Variants in NCKAP5 observed in about 807,000 individuals in gnomAD.
NCKAP5 encodes nck-associated protein 5.
In NCKAP5, 92 loss-of-function variants were observed where a neutral mutation model predicts 167.0. The observed-to-expected ratio is 0.55, with a 90% CI of 0.47 to 0.66. The LOEUF (loss-of-function observed/expected upper bound fraction) is 0.66, where lower values mean the gene tolerates loss of function less well. Among genes scored for constraint, NCKAP5 ranks in the 30% least tolerant of loss-of-function variants. The pLI, the probability that NCKAP5 is intolerant of heterozygous loss-of-function variation, is 0.00. For missense variants in NCKAP5, 2,378 were observed against 2,315.0 expected (o/e 1.03, Z -0.56); for synonymous variants, 891 against 877.4 (o/e 1.02, Z -0.27).
intron 3 of NCKAP5, among the ~76,000 whole-genome samples, chr2:133,423,426 T>C: frequency 6.6e-6 from 1 of 152,244 alleles, no homozygotes; most frequent in South Asian, 2.1e-4. Context: ...GAAGTGAAGC[T>C]GCACCTCAGT....
At chr2:132,837,253 C>T (rs1687957014) in intron 11 of NCKAP5, among the ~76,000 whole-genome samples, 1 of 152,168 alleles carries the variant, frequency 6.6e-6, no homozygotes, top group African/African-American at 2.4e-5. Context: ...TCCTCAGGGG[C>T]TCACAGGCTT....
intron 6 of NCKAP5, among the ~76,000 whole-genome samples, chr2:133,054,552 T>G (rs1317829145): frequency 6.6e-6 from 1 of 152,126 alleles, no homozygotes; most frequent in East Asian, 1.9e-4. Flanking sequence ...TTTTAAAGAA[T>G]GTCAAGCTGG....
chr2:133,400,545 G>T (rs1559453728), intron 3 of NCKAP5, among the ~76,000 whole-genome samples: 1 of 152,230 alleles, frequency 6.6e-6, no homozygotes, highest in African/African-American at 2.4e-5. Context: ...GAGTTAGACA[G>T]CCTCAAGTCA....
intron 8 of NCKAP5, among the ~76,000 whole-genome samples, chr2:132,925,646 C>G (rs1376139313): frequency 6.6e-6 from 1 of 152,066 alleles, no homozygotes; most frequent in African/African-American, 2.4e-5. Flanking sequence ...GCTCTCTCAC[C>G]CACTGGCCCA....
intron 3 of NCKAP5, among the ~76,000 whole-genome samples, chr2:133,415,646 G>C (rs906178240): frequency 1.3e-5 from 2 of 152,194 alleles, no homozygotes; most frequent in Non-Finnish European, 2.9e-5. Context: ...GCTGCAGAAC[G>C]TGCAAATAAT....
intron 4 of NCKAP5, among the ~76,000 whole-genome samples, chr2:133,270,775 C>T (rs1050566570): frequency 5.9e-5 from 9 of 152,118 alleles, no homozygotes; most frequent in South Asian, 2.1e-4. Context: ...GACTGATTGC[C>T]GGCCACTCCT....
At chr2:133,082,046 C>A (rs181736678) in intron 6 of NCKAP5, among the ~76,000 whole-genome samples, 1 of 152,200 alleles carries the variant, frequency 6.6e-6, no homozygotes, top group South Asian at 2.1e-4. Context: ...CACCCTCCAC[C>A]CTCAAGTAGG....
chr2:132,781,285 C>T, intron 14 of NCKAP5, 56 bp from the exon 15 acceptor site: 1 of 1,505,926 alleles, frequency 6.6e-7, no homozygotes, highest in Non-Finnish European at 9.0e-7. Context: ...TTCAATCACT[C>T]TCCTTTTCCC....
intron 3 of NCKAP5, among the ~76,000 whole-genome samples, chr2:133,502,543 C>G (rs906202308): frequency 6.6e-6 from 1 of 152,120 alleles, no homozygotes; most frequent in Non-Finnish European, 1.5e-5. Flanking sequence ...GTCTTAAAAT[C>G]TATTCAGTCT....
intron 19 of NCKAP5, among the ~76,000 whole-genome samples, chr2:132,689,438 T>C (rs1686432605): frequency 6.6e-6 from 1 of 152,190 alleles, no homozygotes; most frequent in Non-Finnish European, 1.5e-5. Context: ...ATTCCTTCTT[T>C]CCATGAGGGA....
rs560499337 is a variant in NCKAP5 at position 133,013,715 on chromosome 2, C to A, written c.342-19476G>T. 1.4e-4 allele frequency among the ~76,000 whole-genome samples: 21 copies of A among 152,270 alleles called. No individual in the cohort carries two copies. The South Asian group carries it at 4.1e-3, about 30-fold the overall frequency. On this transcript the variant is annotated intron_variant, in intron 6 of 19. Transcript: ENST00000409261. ...TCCTAATTCAGGGACCACAGCTCAG[C>A]CTGAACTTGACAGCCATTAGAGGCC... is the stretch of plus-strand genomic sequence containing the variant.
Position 133,345,325 on chromosome 2 carries a change from A to G in NCKAP5, c.70-42215T>C, listed in dbSNP as rs113246529. ...CCCTCCCCAAGTTTGCGTTTTTGACATTAAAGTTTACTTTTAAATTAAAAA... is the reference window on the plus strand; with the variant it reads ...CCCTCCCCAAGTTTGCGTTTTTGACGTTAAAGTTTACTTTTAAATTAAAAA... On this transcript the variant is annotated intron_variant, in intron 3 of 19. Transcript: ENST00000409261. Among the ~76,000 whole-genome samples the G allele has an allele frequency of 1.8e-3, 272 of 152,142 alleles. 3 individuals carry two copies. The highest frequency in any genetic ancestry group is 6.2e-3 in the African/African-American group (259 of 41,486).
At chr2:133,616,038 C>T in the NCKAP5 span, among the ~76,000 whole-genome samples, 1 of 150,826 alleles carries the variant, frequency 6.6e-6, no homozygotes, top group Non-Finnish European at 1.5e-5. Flanking sequence ...GAACAACCTG[C>T]TCCTGAATGA....
At chr2:132,896,585 GTGCAATAATAGACA>G (rs1693229333) in intron 8 of NCKAP5, among the ~76,000 whole-genome samples, 1 of 152,110 alleles carries the variant, frequency 6.6e-6, no homozygotes, top group Non-Finnish European at 1.5e-5. Flanking sequence ...CTCAGCTCAG[GTGCAATAATAGACA>G]TGTAGACTGA....
At chr2:133,222,442 A>T (rs1244913414) in intron 4 of NCKAP5, among the ~76,000 whole-genome samples, 1 of 152,188 alleles carries the variant, frequency 6.6e-6, no homozygotes, top group Non-Finnish European at 1.5e-5. Context: ...TACATTCAAT[A>T]TGCTGCAATG....
intron 6 of NCKAP5, among the ~76,000 whole-genome samples, chr2:133,037,187 A>G (rs2079066555): frequency 6.6e-6 from 1 of 152,152 alleles, no homozygotes; most frequent in Admixed American, 6.5e-5. Flanking sequence ...ATGTTCATGG[A>G]TTGAAAGAAT....
At chr2:132,794,298 AGAGAGAGAGG>A (rs1424304116) in intron 12 of NCKAP5, among the ~76,000 whole-genome samples, 58 of 119,984 alleles carry the variant, frequency 4.8e-4, no homozygotes, top group African/African-American at 1.5e-3. Context: ...AGAGAGAGAG[AGAGAGAGAGG>A]GTGGCGGGAA....
chr2:132,863,114 C>G (rs989363668), intron 10 of NCKAP5, among the ~76,000 whole-genome samples: 2 of 152,104 alleles, frequency 1.3e-5, no homozygotes, highest in Non-Finnish European at 2.9e-5. Flanking sequence ...ACCACCATGC[C>G]CGGCAAAACT....
chr2:133,126,799 T>G (rs766837499), intron 6 of NCKAP5, among the ~76,000 whole-genome samples: 13 of 152,180 alleles, frequency 8.5e-5, no homozygotes, highest in Non-Finnish European at 1.6e-4. Flanking sequence ...TAGAGCTAAA[T>G]TACATGCTCA....
Sources: allele counts gnomAD v4.1 joint callset (sites outside exome capture counted in the v4.1 genomes callset), GRCh38; gene constraint gnomAD v4.1.1; transcripts MANE v1.5; gene names NCBI Gene and HGNC (gene_info 2026-07-23, HGNC 2026-07-21).